Variants in PTPRT observed in about 807,000 individuals in gnomAD.
The protein encoded by PTPRT is protein tyrosine phosphatase receptor type T.
A neutral mutation model predicts 176.8 loss-of-function variants in PTPRT; 56 were observed. That is an observed-to-expected ratio of 0.32 (90% CI 0.26 to 0.40). PTPRT has a LOEUF of 0.40. PTPRT is among the 10% of genes least tolerant of loss of function. PTPRT has a pLI of 1.00. For missense variants in PTPRT, 1,540 were observed against 1,908.2 expected (o/e 0.81, Z 3.60); for synonymous variants, 783 against 739.0 (o/e 1.06, Z -0.96).
chr20:42,645,764 ATGTGTGTGTGTGTGTGTGTGTG>A, intron 7 of PTPRT, among the ~76,000 whole-genome samples: 1 of 139,586 alleles, frequency 7.2e-6, no homozygotes, highest in African/African-American at 2.6e-5. Flanking sequence ...ATGTGTATTT[ATGTGTGTGTGTGTGTGTGTGTG>A]TGTGTGTGTG....
At chr20:42,769,418 C>T (rs796726671) in intron 5 of PTPRT, among the ~76,000 whole-genome samples, 18 of 152,196 alleles carry the variant, frequency 1.2e-4, no homozygotes, top group Non-Finnish European at 1.6e-4. Flanking sequence ...AAAACTATAA[C>T]GTGCTCCCAT....
intron 7 of PTPRT, among the ~76,000 whole-genome samples, chr20:42,497,303 T>G (rs1290487690): frequency 6.6e-6 from 1 of 152,108 alleles, no homozygotes; most frequent in African/African-American, 2.4e-5. Context: ...TTATGGCATT[T>G]TTCCCCCCCA....
intron 7 of PTPRT, among the ~76,000 whole-genome samples, chr20:42,597,493 C>T (rs2073692143): frequency 6.6e-6 from 1 of 152,150 alleles, no homozygotes. Context: ...AGGCAGAGTT[C>T]TCATGAATGG....
At chr20:43,082,076 T>A (rs1205792240) in intron 1 of PTPRT, among the ~76,000 whole-genome samples, 2 of 152,196 alleles carry the variant, frequency 1.3e-5, no homozygotes, top group Non-Finnish European at 2.9e-5. Flanking sequence ...GCTAGCCTGG[T>A]GTTATTGTGG....
intron 2 of PTPRT, among the ~76,000 whole-genome samples, chr20:42,824,530 A>G (rs1170920494): frequency 6.6e-6 from 1 of 152,052 alleles, no homozygotes; most frequent in East Asian, 1.9e-4. Context: ...TAAACTATTA[A>G]TTCATGGTTC....
intron 7 of PTPRT, among the ~76,000 whole-genome samples, chr20:42,644,623 C>T (rs2074845753): frequency 6.6e-6 from 1 of 152,118 alleles, no homozygotes; most frequent in Admixed American, 6.5e-5. Flanking sequence ...TCTTCCTCAT[C>T]TCTGGTCATG....
At chr20:42,802,958 T>A (rs189525834) in intron 2 of PTPRT, among the ~76,000 whole-genome samples, 1 of 152,376 alleles carries the variant, frequency 6.6e-6, no homozygotes, top group East Asian at 1.9e-4. Context: ...TGTGTCTGTA[T>A]GTTACACGCT....
At chr20:42,774,598 C>T (rs912997337) in intron 4 of PTPRT, among the ~76,000 whole-genome samples, 10 of 152,216 alleles carry the variant, frequency 6.6e-5, no homozygotes, top group African/African-American at 2.4e-4. Context: ...TATCAATCTG[C>T]GGTCCCTGAT....
intron 7 of PTPRT, among the ~76,000 whole-genome samples, chr20:42,532,080 G>A (rs1158210257): frequency 6.6e-6 from 1 of 152,170 alleles, no homozygotes; most frequent in Non-Finnish European, 1.5e-5. Flanking sequence ...AGGAGGCAGT[G>A]CTGTGGGACC....
chr20:42,844,384 A>G (rs1043006788), intron 2 of PTPRT, among the ~76,000 whole-genome samples: 3 of 152,292 alleles, frequency 2.0e-5, no homozygotes, highest in Non-Finnish European at 2.9e-5. Context: ...CCTGATGCCA[A>G]AGCTCCCACC....
chr20:42,680,656 T>C (rs2075587411), intron 6 of PTPRT, among the ~76,000 whole-genome samples: 1 of 152,218 alleles, frequency 6.6e-6, no homozygotes, highest in Non-Finnish European at 1.5e-5. Flanking sequence ...CTTCAATAGT[T>C]TGGAGGCTGA....
chr20:42,508,950 A>G (rs1429663043), intron 7 of PTPRT, among the ~76,000 whole-genome samples: 1 of 141,710 alleles, frequency 7.1e-6, no homozygotes, highest in African/African-American at 2.5e-5. Flanking sequence ...AATATAATTT[A>G]TATTTAATTT....
chr20:42,324,090 A>C (rs1179102185), intron 11 of PTPRT, among the ~76,000 whole-genome samples: 2 of 152,244 alleles, frequency 1.3e-5, no homozygotes, highest in Non-Finnish European at 2.9e-5. Context: ...CATTATTTAT[A>C]ATCGCCAAAA....
At chr20:42,407,915 A>G (rs1319455458) in intron 9 of PTPRT, among the ~76,000 whole-genome samples, 1 of 152,146 alleles carries the variant, frequency 6.6e-6, no homozygotes, top group Non-Finnish European at 1.5e-5. Context: ...TGAGACAAGG[A>G]AAAAATACAT....
rs191930560 is a variant in PTPRT at position 42,974,902 on chromosome 20, G to C, written c.89-88970C>G. ...AAATGTACCAGTCACTTCACTTTTT[G>C]AGTATGATTTCTCATCAGTGCTGCT... is the stretch of plus-strand genomic sequence containing the variant. On this transcript the variant is annotated intron_variant, in intron 1 of 30. Transcript: ENST00000373187. Among the ~76,000 whole-genome samples the C allele has an allele frequency of 1.2e-3, 179 of 152,210 alleles. 1 individual carries two copies. Among genetic ancestry groups the C allele is most frequent in the African/African-American group, 3.9e-3 (163 of 41,516 alleles).
intron 2 of PTPRT, among the ~76,000 whole-genome samples, chr20:42,871,150 C>T (rs1458266449): frequency 6.6e-6 from 1 of 151,806 alleles, no homozygotes; most frequent in African/African-American, 2.4e-5. Flanking sequence ...GGGGTTCTCA[C>T]CATGTTGGCC....
At chr20:42,342,548 T>C (rs2058127633) in intron 11 of PTPRT, among the ~76,000 whole-genome samples, 1 of 152,176 alleles carries the variant, frequency 6.6e-6, no homozygotes, top group African/African-American at 2.4e-5. Context: ...AGTGTCTAAA[T>C]GTAATTACAG....
chr20:42,075,106 T>C lies in PTPRT; in HGVS notation c.*5773A>G. The C allele has an allele frequency of 2.8e-6, 1 of 356,910 alleles. No homozygotes were observed. The highest frequency in any genetic ancestry group is 5.0e-6 in the Non-Finnish European group (1 of 200,130). The allele number at this position is 356,910 out of a possible 1,614,324, so 22.1% of individuals were successfully genotyped here. ...CCTTGCATTCTATCACTTCTAGACATGTATACATGGAAAACCTCCAACAGG... is the reference window on the plus strand; with the variant it reads ...CCTTGCATTCTATCACTTCTAGACACGTATACATGGAAAACCTCCAACAGG... On this transcript the variant is annotated 3_prime_UTR_variant, in exon 31 of 31. Transcript: ENST00000373187.
rs372650644 is a variant in PTPRT at position 43,079,477 on chromosome 20, T to G, written c.88+110169A>C. 2.0e-5 allele frequency among the ~76,000 whole-genome samples: 3 copies of G among 152,222 alleles called. No homozygotes were observed. In the East Asian group the frequency reaches 5.8e-4, roughly 29 times the overall value. ...TTGCACCTATGTTAAATATATAGGC[T>G]AATTTGTAATGAATACCATATCTAC... On this transcript the variant is annotated intron_variant, in intron 1 of 30. Transcript: ENST00000373187.
Sources: gnomAD v4.1 joint callset for allele counts (sites outside exome capture counted in the v4.1 genomes callset) on GRCh38, gnomAD v4.1.1 for gene constraint, MANE v1.5 for transcripts, NCBI Gene and HGNC (gene_info 2026-07-23, HGNC 2026-07-21) for gene names.